RBKS: variants seen among roughly 807,000 people sequenced by gnomAD.
RBKS encodes the protein ribokinase.
In RBKS, 33 loss-of-function variants were observed where a neutral mutation model predicts 33.9. That is an observed-to-expected ratio of 0.97 (90% CI 0.74 to 1.30). The LOEUF is 1.30. RBKS is among the 50% of genes most tolerant of loss of function. The pLI is 0.00. For missense variants in RBKS, 361 were observed against 392.6 expected (o/e 0.92, Z 0.68); for synonymous variants, 125 against 143.0 (o/e 0.87, Z 0.90).
In RBKS at chr2:27,827,561, A is replaced by C. The variant is rs1678335308; in HGVS notation, c.795+6T>G. ...CTAAACATGATTCTTAAATTTTAAA[A>C]CTTACCGTGGTATCCACAGCCTTGA... On this transcript the variant is annotated splice_donor_region_variant and intron_variant, in intron 7 of 7. Transcript: ENST00000302188. 6 of 1,542,674 alleles carry C rather than the reference A, an allele frequency of 3.9e-6. No individual in the cohort carries two copies. The highest frequency in any genetic ancestry group is 5.2e-6 in the Non-Finnish European group (6 of 1,146,598).
intron 6 of RBKS, among the ~76,000 whole-genome samples, chr2:27,830,083 GCT>G (rs1370350505): frequency 2.0e-5 from 3 of 152,140 alleles, no homozygotes; most frequent in Non-Finnish European, 4.4e-5. Flanking sequence ...AGGGCTGAAT[GCT>G]CTGTGAGGCT....
intron 1 of RBKS, among the ~76,000 whole-genome samples, chr2:27,860,874 G>A (rs1021850461): frequency 6.6e-6 from 1 of 152,110 alleles, no homozygotes; most frequent in East Asian, 1.9e-4. Context: ...TCCATTTTAT[G>A]CAATGTGTCT....
chr2:27,867,598 A>G (rs896187684), intron 1 of RBKS, among the ~76,000 whole-genome samples: 2 of 152,184 alleles, frequency 1.3e-5, no homozygotes, highest in East Asian at 3.8e-4. Flanking sequence ...CACTCAAAAT[A>G]TTAAACATAC....
intron 7 of RBKS, among the ~76,000 whole-genome samples, chr2:27,820,549 TTCTCTCTCTC>T (rs10534268): frequency 0.18 from 27,272 of 147,916 alleles, 3,716 homozygotes; most frequent in East Asian, 0.62. Flanking sequence ...AGATTTACTA[TTCTCTCTCTC>T]TCTCTCTCTC....
Position 27,833,059 on chromosome 2 carries a change from G to A in RBKS, c.515-282C>T, listed in dbSNP as rs114714673. 6.9e-3 allele frequency among the ~76,000 whole-genome samples: 1,051 copies of A among 152,276 alleles called. 13 individuals are homozygous for A. Among genetic ancestry groups the A allele is most frequent in the African/African-American group, 0.022 (931 of 41,544 alleles). On this transcript the variant is annotated intron_variant, in intron 5 of 7. Transcript: ENST00000302188. Reference sequence around the variant, plus strand: ...AACGTGATTATAGAGTTAAGGCAAAGGCAACAGGAACATTAGAGAAAAGTA... The same window carrying A: ...AACGTGATTATAGAGTTAAGGCAAAAGCAACAGGAACATTAGAGAAAAGTA...
rs541749037 is a variant in RBKS at position 27,810,709 on chromosome 2, T to C, written c.795+16858A>G. ...TTTTTAAGGAAATGAACTATCTTTA[T>C]GTCATCTGAATTCCCATGAGCTCTC... On this transcript the variant is annotated intron_variant, in intron 7 of 7. Coordinates refer to ENST00000302188, the MANE Select transcript of RBKS (RefSeq NM_022128.3). The surrounding 1 kb of genome is among the most constrained non-coding windows in gnomAD (Gnocchi z 4.4). Among the ~76,000 whole-genome samples the C allele has an allele frequency of 1.3e-5, 2 of 152,244 alleles. No individual in the cohort carries two copies. Among genetic ancestry groups the C allele is most frequent in the African/African-American group, 2.4e-5 (1 of 41,540 alleles).
chr2:27,781,893 A>G, intron 7 of RBKS, 105 bp from the exon 8 acceptor site: 1 of 1,030,154 alleles, frequency 9.7e-7, no homozygotes, highest in Admixed American at 2.9e-5. Flanking sequence ...TTTTAGATTT[A>G]CAGAAAAGGT....
At chr2:27,884,624 T>G (rs916824844) in intron 1 of RBKS, among the ~76,000 whole-genome samples, 2 of 152,190 alleles carry the variant, frequency 1.3e-5, no homozygotes, top group East Asian at 3.8e-4. Context: ...ATTCACTTAT[T>G]CCACTATCCA....
chr2:27,858,639 G>A (rs909451455), intron 1 of RBKS, 68 bp from the exon 2 acceptor site: 1 of 1,417,158 alleles, frequency 7.1e-7, no homozygotes, highest in Non-Finnish European at 9.8e-7. Context: ...TTCTTTAGAA[G>A]AGAGGGAAGG....
At chr2:27,836,480 T>C (rs1678521353) in intron 5 of RBKS, among the ~76,000 whole-genome samples, 1 of 152,166 alleles carries the variant, frequency 6.6e-6, no homozygotes, top group Admixed American at 6.5e-5. Flanking sequence ...TCTTTCACCA[T>C]ATACAAAAAT....
intron 2 of RBKS, among the ~76,000 whole-genome samples, chr2:27,853,864 C>T (rs1482806129): frequency 6.6e-6 from 1 of 152,092 alleles, no homozygotes; most frequent in Non-Finnish European, 1.5e-5. Flanking sequence ...TCAACATAGC[C>T]AACTAATTAT....
chr2:27,873,837 A>AC (rs924005296), intron 1 of RBKS, among the ~76,000 whole-genome samples: 34 of 152,158 alleles, frequency 2.2e-4, no homozygotes, highest in African/African-American at 8.2e-4. Context: ...CAAACAAAAA[A>AC]AAAACAAAAC....
At chr2:27,804,987 CCTGGG>C (rs1204910292) in intron 7 of RBKS, among the ~76,000 whole-genome samples, 6 of 151,674 alleles carry the variant, frequency 4.0e-5, no homozygotes, top group African/African-American at 7.3e-5. Context: ...TGCACTCTAG[CCTGGG>C]TGACAGTGAG....
chr2:27,819,570 A>G (rs1489584054), intron 7 of RBKS, among the ~76,000 whole-genome samples: 1 of 152,182 alleles, frequency 6.6e-6, no homozygotes. Flanking sequence ...GGCATCACCT[A>G]TTGGCCGATC....
At chr2:27,859,912 G>T (rs760913458) in intron 1 of RBKS, among the ~76,000 whole-genome samples, 1 of 152,166 alleles carries the variant, frequency 6.6e-6, no homozygotes, top group Non-Finnish European at 1.5e-5. Context: ...ACATATAACT[G>T]ATGCTAAGAA....
chr2:27,783,554 G>A (rs1216231374), intron 7 of RBKS, among the ~76,000 whole-genome samples: 4 of 152,128 alleles, frequency 2.6e-5, no homozygotes, highest in African/African-American at 4.8e-5. Flanking sequence ...ATACCTGCTC[G>A]TGTTTGTCTA....
intron 6 of RBKS, among the ~76,000 whole-genome samples, chr2:27,831,517 C>G (rs1678413155): frequency 6.6e-6 from 1 of 152,218 alleles, no homozygotes; most frequent in Admixed American, 6.5e-5. Context: ...ATTGCATAAC[C>G]TATTGTGGTT....
chr2:27,865,956 A>G (rs974852054), intron 1 of RBKS, among the ~76,000 whole-genome samples: 2 of 152,186 alleles, frequency 1.3e-5, no homozygotes, highest in South Asian at 4.1e-4. Flanking sequence ...TTGCCTTTTA[A>G]AGAAATTGAG....
intron 7 of RBKS, among the ~76,000 whole-genome samples, chr2:27,815,887 G>A (rs1678082601): frequency 6.6e-6 from 1 of 152,022 alleles, no homozygotes; most frequent in African/African-American, 2.4e-5. Flanking sequence ...TTTTTCCAAG[G>A]CTGAAACAAT....
Sources: allele counts gnomAD v4.1 joint callset (sites outside exome capture counted in the v4.1 genomes callset), GRCh38; gene constraint gnomAD v4.1.1; non-coding constraint Gnocchi (gnomAD v3.1); transcripts MANE v1.5; gene names NCBI Gene and HGNC (gene_info 2026-07-23, HGNC 2026-07-21).